Variants in XIRP2 observed in about 807,000 individuals in gnomAD.
The protein encoded by XIRP2 is xin actin binding repeat containing 2, also known as xin actin-binding repeat-containing protein 2.
In XIRP2, 236 loss-of-function variants were observed where a neutral mutation model predicts 277.0. The observed-to-expected ratio is 0.85, with a 90% CI of 0.77 to 0.95. The LOEUF (loss-of-function observed/expected upper bound fraction) is 0.95. XIRP2 is among the 40% of genes least tolerant of loss of function. The pLI, the probability that XIRP2 is intolerant of heterozygous loss-of-function variation, is 0.00. For missense variants in XIRP2, 4,640 were observed against 4,157.5 expected (o/e 1.12, Z -3.19); for synonymous variants, 1,490 against 1,416.5 (o/e 1.05, Z -1.17).
At chr2:167,235,538 A>G (rs1056461226) in intron 5 of XIRP2, among the ~76,000 whole-genome samples, 2 of 151,928 alleles carry the variant, frequency 1.3e-5, no homozygotes, top group African/African-American at 4.8e-5. Flanking sequence ...GGATTTGAGG[A>G]TGCATGTGAT....
intron 2 of XIRP2, among the ~76,000 whole-genome samples, chr2:167,132,772 T>G (rs1558991455): frequency 1.3e-5 from 2 of 152,098 alleles, no homozygotes; most frequent in African/African-American, 4.8e-5. Context: ...TTAAGCCCCA[T>G]TCATTCTTCA....
rs557993667 is a variant in XIRP2, at chr2:166,897,991, G to C, written c.-18-5474G>C. On this transcript the variant is annotated intron_variant, in intron 1 of 10. Coordinates refer to ENST00000409195, the MANE Select transcript of XIRP2 (RefSeq NM_152381.6). Reference sequence around the variant, plus strand: ...TATAGAATCAACAACTGCTCCCTATGTGACCCTCCAGACCACAGGCAGCTG... The same window carrying C: ...TATAGAATCAACAACTGCTCCCTATCTGACCCTCCAGACCACAGGCAGCTG... Among the ~76,000 whole-genome samples the C allele has an allele frequency of 2.6e-5, 4 of 152,242 alleles. No individual in the cohort carries two copies. In the South Asian group the frequency reaches 8.3e-4, roughly 32 times the overall value.
chr2:166,953,944 T>G (rs1333446526), intron 2 of XIRP2, among the ~76,000 whole-genome samples: 1 of 151,994 alleles, frequency 6.6e-6, no homozygotes, highest in African/African-American at 2.4e-5. Flanking sequence ...TATTATGAAT[T>G]ATTTTTCTAA....
chr2:167,111,967 T>G (rs562375390), intron 2 of XIRP2, among the ~76,000 whole-genome samples: 1 of 152,266 alleles, frequency 6.6e-6, no homozygotes, highest in African/African-American at 2.4e-5. Flanking sequence ...ATAGTAGTAG[T>G]CTTTGATGGT....
In XIRP2 at chr2:166,973,573, G is replaced by A. The variant is rs536429309; in HGVS notation, c.408+69683G>A. ...TCTGACTATCAGATCCAAAATCCAT[G>A]CAATGCCTCTCTGTACTGCAGGTTC... On this transcript the variant is annotated intron_variant, in intron 2 of 10. Transcript: ENST00000409195. 1.4e-4 allele frequency among the ~76,000 whole-genome samples: 21 copies of A among 152,244 alleles called. No individual in the cohort carries two copies. In the East Asian group the frequency reaches 3.5e-3, roughly 25 times the overall value.
At chr2:167,013,826 A>T (rs1177103142) in intron 2 of XIRP2, among the ~76,000 whole-genome samples, 1 of 151,370 alleles carries the variant, frequency 6.6e-6, no homozygotes, top group African/African-American at 2.4e-5. Flanking sequence ...CAATCTTTTC[A>T]TGTAGGTCCA....
chr2:167,155,814 T>C (rs1276886983), intron 3 of XIRP2, among the ~76,000 whole-genome samples: 1 of 151,824 alleles, frequency 6.6e-6, no homozygotes, highest in African/African-American at 2.4e-5. Flanking sequence ...ATTGTCCCTG[T>C]TTGCAGATGA....
rs775729352 is a variant in XIRP2, at chr2:167,250,403, A to C, written c.9011A>C (p.Asn3004Thr). ...GCAGTTCACATTGCCATGGAGAATA[A>C]TTTAGAAAAAGTAAAAGAAGAAATA... ...EYAVHIAMENNLEKVKEEITH... is the reference protein window; with the variant it reads ...EYAVHIAMENTLEKVKEEITH... Residue 3004 changes from asparagine (N) to threonine (T), a missense_variant, in exon 9 of 11, where the codon AAT becomes ACT. Physicochemically the swap from Asn to Thr is moderately conservative, Grantham distance 65. Coordinates refer to ENST00000409195, the MANE Select transcript of XIRP2 (RefSeq NM_152381.6). The C allele has an allele frequency of 1.2e-6, 2 of 1,613,558 alleles. No homozygotes were observed. The highest frequency in any genetic ancestry group is 2.2e-5 in the South Asian group (2 of 91,056).
At chr2:167,022,661 C>T (rs1350735108) in intron 2 of XIRP2, among the ~76,000 whole-genome samples, 2 of 151,358 alleles carry the variant, frequency 1.3e-5, no homozygotes, top group African/African-American at 4.9e-5. Context: ...CATGTGTTCT[C>T]ATTGTTCAAT....
At chr2:167,021,557 A>G (rs1687982567) in intron 2 of XIRP2, among the ~76,000 whole-genome samples, 2 of 152,104 alleles carry the variant, frequency 1.3e-5, no homozygotes, top group Non-Finnish European at 2.9e-5. Flanking sequence ...TTTTTCTTTA[A>G]AAGATTTACA....
At chr2:167,029,151 G>A (rs1028417169) in intron 2 of XIRP2, among the ~76,000 whole-genome samples, 3 of 151,780 alleles carry the variant, frequency 2.0e-5, no homozygotes, top group Admixed American at 2.0e-4. Flanking sequence ...TAGAAAGTTT[G>A]TTCAAGAACA....
At position 167,251,189 on chromosome 2, in the gene XIRP2, A is replaced by T; in HGVS notation, c.9797A>T (p.Glu3266Val). The T allele has an allele frequency of 6.2e-7, 1 of 1,613,528 alleles. No homozygotes were observed. The highest frequency in any genetic ancestry group is 8.5e-7 in the Non-Finnish European group (1 of 1,179,726). Residue 3266 changes from glutamate to valine, a missense_variant, in exon 9 of 11, where the codon GAG (glutamate) becomes GTG (valine). Coordinates refer to ENST00000409195, the MANE Select transcript of XIRP2 (RefSeq NM_152381.6). ...VDAQEEIRKVEKRATYVHKDG... is the reference protein window; with the variant it reads ...VDAQEEIRKVVKRATYVHKDG... ...GCTCAAGAGGAAATCAGGAAAGTGGAGAAGAGAGCTACTTATGTTCATAAA... is the reference window on the plus strand; with the variant it reads ...GCTCAAGAGGAAATCAGGAAAGTGGTGAAGAGAGCTACTTATGTTCATAAA...
chr2:166,928,249 G>A (rs558491433), intron 2 of XIRP2, among the ~76,000 whole-genome samples: 22 of 152,178 alleles, frequency 1.4e-4, no homozygotes, highest in South Asian at 6.2e-4. Context: ...ATGCAAAACC[G>A]TGGAGAGAAG....
At chr2:167,123,179 C>G (rs953172359) in intron 2 of XIRP2, among the ~76,000 whole-genome samples, 1 of 152,174 alleles carries the variant, frequency 6.6e-6, no homozygotes. Flanking sequence ...CACATGTGAG[C>G]TTTCCACTCA....
chr2:167,065,628 C>G (rs565432375), intron 2 of XIRP2, among the ~76,000 whole-genome samples: 1 of 151,764 alleles, frequency 6.6e-6, no homozygotes, highest in African/African-American at 2.4e-5. Flanking sequence ...CCTTTAAAAA[C>G]GTTTTCAATT....
chr2:167,061,523 T>C (rs1159799713), intron 2 of XIRP2, among the ~76,000 whole-genome samples: 1 of 152,172 alleles, frequency 6.6e-6, no homozygotes, highest in African/African-American at 2.4e-5. Flanking sequence ...TAGATTGAAT[T>C]GTGTCTTCTA....
intron 2 of XIRP2, among the ~76,000 whole-genome samples, chr2:166,952,632 C>T (rs1686065079): frequency 6.6e-6 from 1 of 151,906 alleles, no homozygotes; most frequent in African/African-American, 2.4e-5. Flanking sequence ...AATTATTAGT[C>T]TTCCAAAGGT....
At chr2:167,066,671 T>G (rs1249232083) in intron 2 of XIRP2, among the ~76,000 whole-genome samples, 1 of 152,090 alleles carries the variant, frequency 6.6e-6, no homozygotes, top group African/African-American at 2.4e-5. Context: ...ATCTGCCATG[T>G]GTAATAAACT....
intron 2 of XIRP2, among the ~76,000 whole-genome samples, chr2:167,040,630 C>T (rs939118191): frequency 3.3e-5 from 5 of 152,124 alleles, no homozygotes; most frequent in African/African-American, 1.2e-4. Flanking sequence ...AAAGGCTTAC[C>T]ATGCTTCTCT....
Sources: gnomAD v4.1 joint callset for allele counts (sites outside exome capture counted in the v4.1 genomes callset) on GRCh38, gnomAD v4.1.1 for gene constraint, MANE v1.5 for transcripts, NCBI Gene and HGNC (gene_info 2026-07-23, HGNC 2026-07-21) for gene names.